NHSL1: variants seen among roughly 807,000 people sequenced by gnomAD.
NHSL1 encodes the protein NHS-like protein 1.
A neutral mutation model predicts 95.0 loss-of-function variants in NHSL1; 48 were observed. The ratio of observed to expected loss-of-function variants is 0.51; its 90% CI spans 0.40 to 0.64. The LOEUF (loss-of-function observed/expected upper bound fraction) is 0.64, where lower values mean the gene tolerates loss of function less well. NHSL1 is among the 30% of genes least tolerant of loss of function. NHSL1 has a pLI of 0.00. For missense variants in NHSL1, 1,971 were observed against 2,077.7 expected, an observed-to-expected ratio of 0.95 and a Z score of 1.00; for synonymous variants, 783 against 833.9, an observed-to-expected ratio of 0.94 and a Z score of 1.05.
At chr6:138,531,432 C>T (rs1199203563) in intron 1 of NHSL1, among the ~76,000 whole-genome samples, 1 of 151,948 alleles carries the variant, frequency 6.6e-6, no homozygotes, top group Non-Finnish European at 1.5e-5. Flanking sequence ...ACTTTTGTAA[C>T]TTCAAATAAG....
chr6:138,600,365 T>C (rs1250004834), intron 1 of NHSL1, among the ~76,000 whole-genome samples: 3 of 152,152 alleles, frequency 2.0e-5, no homozygotes, highest in African/African-American at 7.2e-5. Flanking sequence ...TCCTAAGTAG[T>C]TGGGACTATA....
chr6:138,623,007 C>T (rs569101520), intron 1 of NHSL1, among the ~76,000 whole-genome samples: 39 of 152,246 alleles, frequency 2.6e-4, no homozygotes, highest in African/African-American at 7.0e-4. Context: ...AAGTAACATA[C>T]GCATAATACA....
At chr6:138,666,023 G>A (rs1175352497) in intron 1 of NHSL1, among the ~76,000 whole-genome samples, 1 of 152,230 alleles carries the variant, frequency 6.6e-6, no homozygotes, top group Non-Finnish European at 1.5e-5. Flanking sequence ...GAAAGAATTG[G>A]CCGGGTGCAG....
rs191730756 is a variant in NHSL1 at position 138,450,593 on chromosome 6, G to A, written c.340-3400C>T. On this transcript the variant is annotated intron_variant, in intron 3 of 7. Transcript: ENST00000343505. ...CTAGTTGACTGACACTGTCAGAATC[G>A]ATAACTCTCATAATGAAACAGCACT... is the stretch of plus-strand genomic sequence containing the variant. 4.6e-5 allele frequency among the ~76,000 whole-genome samples: 7 copies of A among 152,234 alleles called. No individual in the cohort carries two copies. The East Asian group carries it at 5.8e-4, about 13-fold the overall frequency.
intron 2 of NHSL1, among the ~76,000 whole-genome samples, chr6:138,489,890 G>C (rs1285594441): frequency 1.1e-5 from 1 of 87,640 alleles, no homozygotes; most frequent in African/African-American, 4.7e-5. Context: ...GGGAGAGAGG[G>C]AGAGAGGGAG....
At chr6:138,478,012 C>CTTTTTTTTTTTTT (rs71009589) in intron 2 of NHSL1, among the ~76,000 whole-genome samples, 9 of 30,016 alleles carry the variant, frequency 3.0e-4, no homozygotes, top group African/African-American at 4.4e-4. Context: ...ATTTATGTCA[C>CTTTTTTTTTTTTT]TTTTTTTTTT....
At chr6:138,570,417 A>G in intron 1 of NHSL1, among the ~76,000 whole-genome samples, 1 of 152,242 alleles carries the variant, frequency 6.6e-6, no homozygotes, top group East Asian at 1.9e-4. Context: ...ACTAAACTAT[A>G]CAACTCCAGC....
chr6:138,557,242 C>T (rs1783227181), intron 1 of NHSL1, among the ~76,000 whole-genome samples: 1 of 152,228 alleles, frequency 6.6e-6, no homozygotes. Flanking sequence ...ATTAGAGTAA[C>T]ATCCACTTAT....
intron 1 of NHSL1, among the ~76,000 whole-genome samples, chr6:138,658,232 C>T (rs553478785): frequency 6.6e-6 from 1 of 152,128 alleles, no homozygotes; most frequent in East Asian, 1.9e-4. Context: ...TGAGATGATT[C>T]TCTTAACAAA....
intron 1 of NHSL1, among the ~76,000 whole-genome samples, chr6:138,644,080 G>C (rs1484610417): frequency 1.3e-5 from 2 of 150,976 alleles, no homozygotes; most frequent in Non-Finnish European, 2.9e-5. Context: ...TTTGAGAATT[G>C]TATCTTTTTA....
At chr6:138,516,945 T>C (rs915370796) in intron 1 of NHSL1, among the ~76,000 whole-genome samples, 1 of 152,136 alleles carries the variant, frequency 6.6e-6, no homozygotes, top group East Asian at 1.9e-4. Flanking sequence ...AACATGAAAG[T>C]TTCCATGCAA....
intron 1 of NHSL1, among the ~76,000 whole-genome samples, chr6:138,613,536 AGAG>A (rs1362245542): frequency 6.6e-6 from 1 of 152,206 alleles, no homozygotes; most frequent in African/African-American, 2.4e-5. Context: ...GTGTTCGATT[AGAG>A]GAGGAAAAAG....
intron 1 of NHSL1, among the ~76,000 whole-genome samples, chr6:138,600,300 GA>G (rs778774542): frequency 6.6e-6 from 1 of 152,106 alleles, no homozygotes; most frequent in Non-Finnish European, 1.5e-5. Context: ...GTAGCACAAT[GA>G]TGGCTCATGG....
chr6:138,596,873 G>A lies in NHSL1; in HGVS notation c.96+95603C>T, dbSNP rs377279341. On this transcript the variant is annotated intron_variant, in intron 1 of 3. Coordinates refer to the NHSL1 transcript ENST00000491526. Reference sequence around the variant, plus strand: ...CATTCCTACCTTGCGTGAGTTAAGCGTGACAGAAAAACTCTCTCAAGCAGA... The same window carrying A: ...CATTCCTACCTTGCGTGAGTTAAGCATGACAGAAAAACTCTCTCAAGCAGA... Among the ~76,000 whole-genome samples the A allele has an allele frequency of 1.9e-3, 295 of 152,196 alleles. 10 individuals are homozygous for A. The South Asian group carries it at 0.04, about 21-fold the overall frequency.
At chr6:138,561,059 G>A (rs1380457895) in intron 1 of NHSL1, among the ~76,000 whole-genome samples, 1 of 152,114 alleles carries the variant, frequency 6.6e-6, no homozygotes, top group Non-Finnish European at 1.5e-5. Flanking sequence ...TTAAGCCCAA[G>A]CCTGACAATT....
intron 1 of NHSL1, among the ~76,000 whole-genome samples, chr6:138,553,845 A>T (rs906867820): frequency 7.9e-5 from 12 of 152,206 alleles, no homozygotes; most frequent in African/African-American, 2.9e-4. Context: ...ACACACAAAC[A>T]CAGATACCAT....
chr6:138,518,640 ATTC>A (rs1417527332), intron 1 of NHSL1, among the ~76,000 whole-genome samples: 5 of 152,188 alleles, frequency 3.3e-5, no homozygotes, highest in Non-Finnish European at 7.3e-5. Context: ...TTTGGCTTTA[ATTC>A]TTCACTACAT....
intron 2 of NHSL1, among the ~76,000 whole-genome samples, chr6:138,479,198 C>T (rs540044029): frequency 4.6e-5 from 7 of 152,284 alleles, no homozygotes; most frequent in African/African-American, 1.7e-4. Flanking sequence ...CTAGCAGGAG[C>T]TTCTTTTTCC....
chr6:138,546,397 C>G (rs1693853795), upstream of NHSL1, among the ~76,000 whole-genome samples: 3 of 135,978 alleles, frequency 2.2e-5, no homozygotes, highest in African/African-American at 8.6e-5. Flanking sequence ...TTGAGACCAG[C>G]CTCGGCAACA....
Sources: gnomAD v4.1 joint callset for allele counts (sites outside exome capture counted in the v4.1 genomes callset) on GRCh38, gnomAD v4.1.1 for gene constraint, MANE v1.5 for transcripts, NCBI Gene and HGNC (gene_info 2026-07-23, HGNC 2026-07-21) for gene names.